SLC24A3: variants seen among roughly 807,000 people sequenced by gnomAD.
The protein encoded by SLC24A3 is sodium/potassium/calcium exchanger 3.
Under a neutral mutation model 75.8 loss-of-function variants are expected in SLC24A3, and 28 were observed. The ratio of observed to expected loss-of-function variants is 0.37; its 90% CI spans 0.27 to 0.51. The LOEUF is 0.51. Ranked by LOEUF, SLC24A3 falls within the 20% of genes least tolerant of loss-of-function variation. The pLI is 0.94. For missense variants in SLC24A3, 663 were observed against 847.8 expected (o/e 0.78, Z 2.71); for synonymous variants, 372 against 334.1 (o/e 1.11, Z -1.24).
intron 6 of SLC24A3, among the ~76,000 whole-genome samples, chr20:19,625,355 G>C (rs1400675593): frequency 6.6e-6 from 1 of 152,146 alleles, no homozygotes; most frequent in Non-Finnish European, 1.5e-5. Context: ...GGCAACTTGA[G>C]TGACACATAT....
At chr20:19,575,864 T>C (rs935552723) in intron 3 of SLC24A3, among the ~76,000 whole-genome samples, 1 of 152,214 alleles carries the variant, frequency 6.6e-6, no homozygotes, top group African/African-American at 2.4e-5. Context: ...AAAATATCCC[T>C]CACTGTCTGC....
chr20:19,646,744 G>A (rs1306931441), intron 6 of SLC24A3, among the ~76,000 whole-genome samples: 2 of 152,060 alleles, frequency 1.3e-5, no homozygotes, highest in African/African-American at 2.4e-5. Flanking sequence ...ACCTCCAGGG[G>A]AACACTACTC....
chr20:19,432,174 G>T (rs1987115108), intron 2 of SLC24A3, among the ~76,000 whole-genome samples: 1 of 151,760 alleles, frequency 6.6e-6, no homozygotes, highest in Non-Finnish European at 1.5e-5. Context: ...CAAACATAGT[G>T]CTTAGCAAAA....
chr20:19,253,466 A>G (rs1982722785), intron 1 of SLC24A3, among the ~76,000 whole-genome samples: 2 of 152,072 alleles, frequency 1.3e-5, no homozygotes, highest in Non-Finnish European at 2.9e-5. Flanking sequence ...AGACTTCCCC[A>G]ACCCTTTCCA....
intron 2 of SLC24A3, among the ~76,000 whole-genome samples, chr20:19,449,415 G>T (rs1172233456): frequency 2.0e-5 from 3 of 152,324 alleles, no homozygotes; most frequent in South Asian, 2.1e-4. Context: ...CAAGCTCTGG[G>T]GCCGAAGACA....
intron 12 of SLC24A3, among the ~76,000 whole-genome samples, 180 bp downstream of exon 12, chr20:19,685,541 A>T (rs903487922): frequency 1.3e-5 from 2 of 152,302 alleles, no homozygotes; most frequent in African/African-American, 4.8e-5. Context: ...GATGGCCAAG[A>T]TGGGGGTCCA....
intron 6 of SLC24A3, among the ~76,000 whole-genome samples, chr20:19,614,259 A>C (rs1005500117): frequency 5.9e-5 from 9 of 152,252 alleles, no homozygotes; most frequent in African/African-American, 2.2e-4. Flanking sequence ...AAAATGGATT[A>C]ATAATAATAG....
At chr20:19,244,242 C>T (rs895013144) in intron 1 of SLC24A3, 3 of 152,082 alleles carry the variant, frequency 2.0e-5, no homozygotes, top group Non-Finnish European at 4.4e-5. Context: ...GAGTAGATAC[C>T]GTGAACCAGG....
chr20:19,645,958 G>A (rs1156275786), intron 6 of SLC24A3, among the ~76,000 whole-genome samples: 1 of 152,164 alleles, frequency 6.6e-6, no homozygotes, highest in Non-Finnish European at 1.5e-5. Context: ...GGGAGACTGA[G>A]ATGGGAGGAT....
chr20:19,346,032 C>G (rs867844971), intron 2 of SLC24A3, among the ~76,000 whole-genome samples: 17 of 123,328 alleles, frequency 1.4e-4, no homozygotes, highest in South Asian at 7.8e-4. Flanking sequence ...GCACCCAGCC[C>G]AAATGCCCAT....
intron 6 of SLC24A3, among the ~76,000 whole-genome samples, chr20:19,589,328 G>A (rs542649706): frequency 3.9e-5 from 6 of 152,336 alleles, no homozygotes; most frequent in African/African-American, 1.4e-4. Flanking sequence ...GTAAGGAGGC[G>A]GGGGAGCTAG....
At chr20:19,675,207 T>G (rs952321614) in intron 9 of SLC24A3, among the ~76,000 whole-genome samples, 1 of 152,200 alleles carries the variant, frequency 6.6e-6, no homozygotes, top group Non-Finnish European at 1.5e-5. Context: ...GTGCTGCAAC[T>G]GCCCAACCCC....
intron 2 of SLC24A3, among the ~76,000 whole-genome samples, chr20:19,512,779 C>T (rs1210874862): frequency 2.0e-5 from 3 of 152,152 alleles, no homozygotes; most frequent in South Asian, 2.1e-4. Flanking sequence ...TGTGCTCCCT[C>T]GGTCCCTTGT....
At chr20:19,575,757 T>A (rs984621225) in intron 3 of SLC24A3, among the ~76,000 whole-genome samples, 1 of 152,222 alleles carries the variant, frequency 6.6e-6, no homozygotes, top group African/African-American at 2.4e-5. Context: ...CAAACCTGTC[T>A]CATATTTTGT....
intron 8 of SLC24A3, among the ~76,000 whole-genome samples, chr20:19,669,980 G>A (rs375381420): frequency 6.6e-6 from 1 of 152,126 alleles, no homozygotes. Context: ...GGAGGAAAGG[G>A]GAGAAGGTGC....
chr20:19,507,134 G>A (rs1568637753), intron 2 of SLC24A3, among the ~76,000 whole-genome samples: 1 of 152,156 alleles, frequency 6.6e-6, no homozygotes, highest in African/African-American at 2.4e-5. Context: ...TTGTTCAGGG[G>A]CCTTTATTTA....
At chr20:19,519,857 CTCTTCCAGTAAGAG>C (rs1209067294) in intron 3 of SLC24A3, among the ~76,000 whole-genome samples, 1 of 152,234 alleles carries the variant, frequency 6.6e-6, no homozygotes, top group Non-Finnish European at 1.5e-5. Flanking sequence ...CTACGCATTT[CTCTTCCAGTAAGAG>C]TCTTTAAATC....
chr20:19,244,079 T>A (rs1982412961), intron 1 of SLC24A3: 1 of 152,170 alleles, frequency 6.6e-6, no homozygotes, highest in Non-Finnish European at 1.5e-5. Context: ...TACCAAGCAT[T>A]GTCAATTCTT....
chr20:19,709,686 G>A (rs2122163793), intron 15 of SLC24A3, among the ~76,000 whole-genome samples: 1 of 152,204 alleles, frequency 6.6e-6, no homozygotes, highest in Middle Eastern at 3.4e-3. Flanking sequence ...GAGGGTAAAG[G>A]GAGGCTTTAC....
Sources: allele counts gnomAD v4.1 joint callset (sites outside exome capture counted in the v4.1 genomes callset), GRCh38; gene constraint gnomAD v4.1.1; transcripts MANE v1.5; gene names NCBI Gene and HGNC (gene_info 2026-07-23, HGNC 2026-07-21).